The following GLIS3 variants were observed in gnomAD, a reference collection of about 807,000 sequenced individuals.
GLIS3 encodes the protein GLIS family zinc finger 3, also known as zinc finger protein GLIS3.
Under a neutral mutation model 78.6 loss-of-function variants are expected in GLIS3, and 53 were observed. The ratio of observed to expected loss-of-function variants is 0.67; its 90% CI spans 0.54 to 0.85. The LOEUF (loss-of-function observed/expected upper bound fraction) is 0.85. Among genes scored for constraint, GLIS3 ranks in the 40% least tolerant of loss-of-function variants. The probability of loss-of-function intolerance (pLI) is 0.00; values close to 1 mark genes in which losing one functional copy is unlikely to be tolerated. For missense variants in GLIS3, 1,703 were observed against 1,231.1 expected (o/e 1.38, Z -5.74); for synonymous variants, 684 against 509.9 (o/e 1.34, Z -4.60).
chr9:3,938,587 G>A (rs535744619), intron 4 of GLIS3, among the ~76,000 whole-genome samples: 1 of 152,100 alleles, frequency 6.6e-6, no homozygotes, highest in South Asian at 2.1e-4. Flanking sequence ...TCCAGATTTT[G>A]CATGCTGGAG....
chr9:3,990,331 A>G (rs893358781), intron 4 of GLIS3, among the ~76,000 whole-genome samples: 2 of 152,202 alleles, frequency 1.3e-5, no homozygotes, highest in Non-Finnish European at 2.9e-5. Flanking sequence ...CATCCTATCA[A>G]TCAACTGGCA....
rs563672773 is a variant in GLIS3, at chr9:3,991,857, A to AT, written c.1711-54669dup. Among the ~76,000 whole-genome samples, 80 of 151,784 alleles carry AT rather than the reference A, an allele frequency of 5.3e-4. 2 individuals carry two copies. Among genetic ancestry groups the AT allele is most frequent in the Middle Eastern group, 6.8e-3 (2 of 294 alleles). Reference sequence around the variant, plus strand: ...AGGCGCCTGCAACCATGCCTGGCTAATTTTTTGTATTTTTAGTAGAGACGG... The same window carrying AT: ...AGGCGCCTGCAACCATGCCTGGCTAATTTTTTTGTATTTTTAGTAGAGACGG... On this transcript the variant is annotated intron_variant, in intron 4 of 10. Coordinates refer to ENST00000381971, the MANE Select transcript of GLIS3 (RefSeq NM_001042413.2).
chr9:3,924,436 T>C (rs1277457227), intron 6 of GLIS3, among the ~76,000 whole-genome samples: 2 of 152,212 alleles, frequency 1.3e-5, no homozygotes, highest in South Asian at 4.1e-4. Flanking sequence ...AAGCAATTCA[T>C]GGCAGTGCTT....
chr9:4,356,809 T>A, the GLIS3 span, among the ~76,000 whole-genome samples: 1 of 152,210 alleles, frequency 6.6e-6, no homozygotes, highest in African/African-American at 2.4e-5. Context: ...AAGGTTTGAT[T>A]ACAAAGCCTT....
chr9:4,350,776 T>TA (rs1487146245), upstream of GLIS3, among the ~76,000 whole-genome samples: 2 of 151,538 alleles, frequency 1.3e-5, 1 homozygote, highest in South Asian at 4.2e-4. Flanking sequence ...TGCCTTGGGG[T>TA]AAAAAACATC....
At chr9:4,096,120 G>GA (rs1829927174) in intron 4 of GLIS3, among the ~76,000 whole-genome samples, 1 of 149,728 alleles carries the variant, frequency 6.7e-6, no homozygotes, top group Non-Finnish European at 1.5e-5. Flanking sequence ...AAAAAACAAA[G>GA]ATAAATTCAT....
At chr9:3,985,738 G>A (rs1819690891) in intron 4 of GLIS3, among the ~76,000 whole-genome samples, 1 of 152,208 alleles carries the variant, frequency 6.6e-6, no homozygotes, top group Non-Finnish European at 1.5e-5. Context: ...AGAAATCTAA[G>A]ATTGGGAAAG....
At chr9:3,853,836 T>C (rs1819590296) in intron 9 of GLIS3, among the ~76,000 whole-genome samples, 1 of 152,242 alleles carries the variant, frequency 6.6e-6, no homozygotes, top group Non-Finnish European at 1.5e-5. Context: ...TACACATAGG[T>C]CAATTTTCAA....
chr9:4,181,870 T>C (rs568772501), intron 2 of GLIS3, among the ~76,000 whole-genome samples: 4 of 152,248 alleles, frequency 2.6e-5, no homozygotes, highest in East Asian at 1.9e-4. Context: ...AGGGCCCAGA[T>C]AGGTGAAGCT....
At chr9:4,171,510 A>G (rs1564147276) in intron 2 of GLIS3, among the ~76,000 whole-genome samples, 1 of 152,232 alleles carries the variant, frequency 6.6e-6, no homozygotes, top group African/African-American at 2.4e-5. Context: ...CTTAATTTGA[A>G]AATCAGATGC....
intron 2 of GLIS3, among the ~76,000 whole-genome samples, chr9:4,251,250 T>C (rs1451527569): frequency 6.6e-6 from 1 of 152,208 alleles, no homozygotes; most frequent in East Asian, 1.9e-4. Context: ...TACGTCTCTT[T>C]GTAGGTCTCT....
chr9:4,416,812 G>GTTT, the GLIS3 span, among the ~76,000 whole-genome samples: 1,845 of 95,696 alleles, frequency 0.019, 118 homozygotes, highest in South Asian at 0.036. Flanking sequence ...CCCATAGTCA[G>GTTT]TTTTTTTTTT....
chr9:4,174,571 T>C (rs1308420667), intron 2 of GLIS3, among the ~76,000 whole-genome samples: 1 of 152,220 alleles, frequency 6.6e-6, no homozygotes, highest in Non-Finnish European at 1.5e-5. Flanking sequence ...ATATAATCAA[T>C]TATCTAACTG....
chr9:3,989,707 T>C (rs143327479), intron 4 of GLIS3, among the ~76,000 whole-genome samples: 3 of 152,294 alleles, frequency 2.0e-5, no homozygotes, highest in Non-Finnish European at 2.9e-5. Flanking sequence ...AGATGAGTGG[T>C]TGCCAGGAAG....
At chr9:4,473,351 C>A in the GLIS3 span, among the ~76,000 whole-genome samples, 6 of 151,488 alleles carry the variant, frequency 4.0e-5, no homozygotes, top group Non-Finnish European at 7.4e-5. Context: ...GAGGCTGAGG[C>A]AGGAGAATCG....
chr9:4,351,880 A>G (rs1242685669), upstream of GLIS3, among the ~76,000 whole-genome samples: 1 of 152,172 alleles, frequency 6.6e-6, no homozygotes, highest in Non-Finnish European at 1.5e-5. Flanking sequence ...AAAAAAATGC[A>G]CACAGGATTC....
intron 6 of GLIS3, among the ~76,000 whole-genome samples, chr9:3,927,582 G>A (rs1214176098): frequency 1.3e-5 from 2 of 152,162 alleles, no homozygotes; most frequent in Non-Finnish European, 2.9e-5. Context: ...CAGAGATGGT[G>A]GTAGATATCT....
chr9:4,079,578 G>C (rs1828375218), intron 4 of GLIS3, among the ~76,000 whole-genome samples: 1 of 152,122 alleles, frequency 6.6e-6, no homozygotes, highest in African/African-American at 2.4e-5. Flanking sequence ...TCTGCCTTTG[G>C]GATGCCGTTA....
chr9:4,160,229 G>A (rs761817273), intron 2 of GLIS3, among the ~76,000 whole-genome samples: 4 of 152,296 alleles, frequency 2.6e-5, no homozygotes, highest in Non-Finnish European at 4.4e-5. Context: ...ATGGATGAAC[G>A]AATACCTGGT....
Sources: gnomAD v4.1 joint callset for allele counts (sites outside exome capture counted in the v4.1 genomes callset) on GRCh38, gnomAD v4.1.1 for gene constraint, MANE v1.5 for transcripts, NCBI Gene and HGNC (gene_info 2026-07-23, HGNC 2026-07-21) for gene names.